The following GPC5 variants were observed in gnomAD, a reference collection of about 807,000 sequenced individuals.
GPC5 encodes the protein glypican-5.
GPC5 carries 47 observed loss-of-function variants against 53.9 expected under a neutral mutation model. The observed-to-expected ratio is 0.87, with a 90% confidence interval of 0.69 to 1.11. GPC5 has a LOEUF of 1.11. GPC5 is among the 50% of genes most tolerant of loss of function. GPC5 has a pLI of 0.00. For synonymous variants in GPC5, 286 were observed against 263.3 expected, an observed-to-expected ratio of 1.09 and a Z score of -0.84; for missense variants, 748 against 713.1, an observed-to-expected ratio of 1.05 and a Z score of -0.56.
At chr13:92,513,442 T>A (rs1880649888) in intron 7 of GPC5, among the ~76,000 whole-genome samples, 1 of 151,232 alleles carries the variant, frequency 6.6e-6, no homozygotes, top group Admixed American at 6.6e-5. Context: ...TTTTTCCACA[T>A]CCTAGTTAAA....
intron 7 of GPC5, among the ~76,000 whole-genome samples, chr13:92,468,441 C>A (rs1348782882): frequency 6.6e-6 from 1 of 152,126 alleles, no homozygotes; most frequent in East Asian, 1.9e-4. Flanking sequence ...CTTTTCATTT[C>A]TGCTCATCTG....
intron 7 of GPC5, among the ~76,000 whole-genome samples, chr13:92,352,904 A>G (rs1211460218): frequency 1.3e-5 from 2 of 152,188 alleles, no homozygotes; most frequent in Non-Finnish European, 2.9e-5. Flanking sequence ...AGAGTGAAGG[A>G]TAATGGAAAA....
chr13:91,600,305 C>CAGAG (rs67108031), intron 2 of GPC5, among the ~76,000 whole-genome samples: 22 of 146,542 alleles, frequency 1.5e-4, no homozygotes, highest in African/African-American at 5.7e-4. Flanking sequence ...GTTCATTTTA[C>CAGAG]AGAGAGAGAG....
chr13:91,882,426 T>C lies in GPC5; in HGVS notation c.1281-25511T>C, dbSNP rs1364386155. Reference sequence around the variant, plus strand: ...AATTAAATGTGACATTCATTTAGTGTTTTGTTTTGTAACATTAAATATTTT... The same window carrying C: ...AATTAAATGTGACATTCATTTAGTGCTTTGTTTTGTAACATTAAATATTTT... On this transcript the variant is annotated intron_variant, in intron 5 of 7. Transcript: ENST00000377067. 2.6e-5 allele frequency among the ~76,000 whole-genome samples: 4 copies of C among 152,042 alleles called. No individual in the cohort carries two copies. The South Asian group carries it at 6.2e-4, about 24-fold the overall frequency.
chr13:91,709,466 T>G (rs1566627540), intron 3 of GPC5, among the ~76,000 whole-genome samples: 4 of 152,112 alleles, frequency 2.6e-5, no homozygotes, highest in Admixed American at 1.3e-4. Context: ...CTCTCATGAC[T>G]CTTGTTGGTG....
At chr13:92,085,453 A>G (rs1400204920) in intron 6 of GPC5, among the ~76,000 whole-genome samples, 1 of 152,252 alleles carries the variant, frequency 6.6e-6, no homozygotes, top group African/African-American at 2.4e-5. Flanking sequence ...GTGGAAGAAC[A>G]GACTCTCTAA....
At chr13:92,049,567 T>C (rs2041010512) in intron 6 of GPC5, among the ~76,000 whole-genome samples, 1 of 152,160 alleles carries the variant, frequency 6.6e-6, no homozygotes, top group South Asian at 2.1e-4. Context: ...CTTGGGGAAT[T>C]ATTCATATTG....
In GPC5 at chr13:91,571,871, A is replaced by ACACACATATACGTGTGTG. The variant is rs1231149317; in HGVS notation, c.326-121316_326-121315insCACACATATACGTGTGTG. Among the ~76,000 whole-genome samples, 88 of 70,160 alleles carry ACACACATATACGTGTGTG rather than the reference A, an allele frequency of 1.3e-3. 15 individuals are homozygous for ACACACATATACGTGTGTG. The highest frequency in any genetic ancestry group is 1.5e-3 in the Non-Finnish European group (56 of 37,888). The allele number at this position is 70,160 out of a possible 152,430, so 46.0% of individuals were successfully genotyped here. ...TATATACACATATACGTGTGTGTAT[A>ACACACATATACGTGTGTG]TATACACACATATACGTGTGTATAT... On this transcript the variant is annotated intron_variant, in intron 2 of 7. Transcript: ENST00000377067.
intron 6 of GPC5, among the ~76,000 whole-genome samples, chr13:91,944,732 T>A (rs2039959412): frequency 6.6e-6 from 1 of 152,226 alleles, no homozygotes; most frequent in Non-Finnish European, 1.5e-5. Flanking sequence ...TTGACTGAAC[T>A]TTCTCCTGTG....
At chr13:91,952,207 G>T (rs1278421873) in intron 6 of GPC5, among the ~76,000 whole-genome samples, 1 of 150,808 alleles carries the variant, frequency 6.6e-6, no homozygotes, top group East Asian at 2.0e-4. Flanking sequence ...GTGTGTGTGT[G>T]TATGTATTTG....
chr13:92,692,748 T>C (rs1456898908), intron 7 of GPC5, among the ~76,000 whole-genome samples: 1 of 144,918 alleles, frequency 6.9e-6, no homozygotes, highest in Non-Finnish European at 1.5e-5. Context: ...CTCACCAATA[T>C]CGGCTATTTT....
intron 5 of GPC5, among the ~76,000 whole-genome samples, chr13:91,802,503 G>T (rs1273342527): frequency 2.0e-5 from 3 of 152,146 alleles, no homozygotes; most frequent in Admixed American, 6.5e-5. Flanking sequence ...CATGGAAGGG[G>T]ACCCAAGCAG....
intron 2 of GPC5, among the ~76,000 whole-genome samples, chr13:91,552,401 C>T (rs551491186): frequency 4.6e-5 from 7 of 151,854 alleles, no homozygotes; most frequent in South Asian, 2.1e-4. Flanking sequence ...AACCCAGTGG[C>T]GCTAGAGGAA....
chr13:91,435,232 G>T (rs1459033670), intron 1 of GPC5, among the ~76,000 whole-genome samples: 1 of 152,196 alleles, frequency 6.6e-6, no homozygotes, highest in Non-Finnish European at 1.5e-5. Flanking sequence ...ATGTTGATAG[G>T]CGTGGTGAGA....
At chr13:92,248,554 T>C (rs1037881392) in intron 7 of GPC5, among the ~76,000 whole-genome samples, 1 of 152,140 alleles carries the variant, frequency 6.6e-6, no homozygotes, top group South Asian at 2.1e-4. Context: ...TGTAGTAGGA[T>C]AAAAAGAGAA....
In GPC5 at chr13:92,760,709, T is replaced by G. The variant is rs1210638496; in HGVS notation, c.1562-105573T>G. Reference sequence around the variant, plus strand: ...TTCCCTCTGCTGACTTTGGGTTTAGTTTGATCTTTATTTTTTGGCTTTTTG... The same window carrying G: ...TTCCCTCTGCTGACTTTGGGTTTAGGTTGATCTTTATTTTTTGGCTTTTTG... On this transcript the variant is annotated intron_variant, in intron 7 of 7. Coordinates refer to ENST00000377067, the MANE Select transcript of GPC5 (RefSeq NM_004466.6). Among the ~76,000 whole-genome samples, 3 of 152,156 alleles carry G rather than the reference T, an allele frequency of 2.0e-5. No homozygotes were observed. The South Asian group carries it at 6.2e-4, about 32-fold the overall frequency.
chr13:92,752,585 A>T (rs1874615947), intron 7 of GPC5, among the ~76,000 whole-genome samples: 1 of 152,146 alleles, frequency 6.6e-6, no homozygotes, highest in Non-Finnish European at 1.5e-5. Context: ...TACCGGGTTC[A>T]TCTCACTAGG....
At chr13:91,862,887 C>T (rs2039045481) in intron 5 of GPC5, among the ~76,000 whole-genome samples, 1 of 152,036 alleles carries the variant, frequency 6.6e-6, no homozygotes, top group South Asian at 2.1e-4. Flanking sequence ...ATCTTTAGAC[C>T]TAACTTGACC....
At chr13:92,298,271 G>A (rs757269163) in intron 7 of GPC5, among the ~76,000 whole-genome samples, 1 of 152,106 alleles carries the variant, frequency 6.6e-6, no homozygotes, top group Non-Finnish European at 1.5e-5. Context: ...AAGTAAATAC[G>A]GCTTTCCTCC....
Sources: allele counts gnomAD v4.1 joint callset (sites outside exome capture counted in the v4.1 genomes callset), GRCh38; gene constraint gnomAD v4.1.1; transcripts MANE v1.5; gene names NCBI Gene and HGNC (gene_info 2026-07-23, HGNC 2026-07-21).